HELLS: variants seen among roughly 807,000 people sequenced by gnomAD.
HELLS encodes the protein lymphoid-specific helicase.
Under a neutral mutation model 120.0 loss-of-function variants are expected in HELLS, and 32 were observed. The observed-to-expected ratio is 0.27, with a 90% CI of 0.20 to 0.36. The LOEUF (loss-of-function observed/expected upper bound fraction) is 0.36. HELLS is among the 10% of genes least tolerant of loss of function. HELLS has a pLI of 1.00. For synonymous variants in HELLS, 341 were observed against 323.4 expected (o/e 1.05, Z -0.58); for missense variants, 650 against 993.4 (o/e 0.65, Z 4.65).
chr10:94,608,565 C>T (rs1846154262), intron 9 of HELLS, among the ~76,000 whole-genome samples: 1 of 151,894 alleles, frequency 6.6e-6, no homozygotes, highest in Non-Finnish European at 1.5e-5. Context: ...TCTTTCATTT[C>T]TTTTTTCATT....
chr10:94,611,645 T>C lies in HELLS; in HGVS notation c.*1794T>C, dbSNP rs1257861988. On this transcript the variant is annotated 3_prime_UTR_variant, in exon 10 of 10. Transcript: ENST00000371327. ...CAAGTCACACTTGTGTCATTTCTTA[T>C]ACTGTAAACATGTGGTTCCAATTCT... 8.5e-5 allele frequency: 13 copies of C among 152,188 alleles called. No individual in the cohort carries two copies. In the South Asian group the frequency reaches 1.0e-3, roughly 12 times the overall value. 9.4% of individuals were successfully genotyped at this position (152,188 alleles called of 1,614,324 possible).
At chr10:94,610,378 C>G (rs554606014) in exon 10 of HELLS, 4 of 151,090 alleles carry the variant, frequency 2.6e-5, no homozygotes, top group Non-Finnish European at 1.5e-5. Flanking sequence ...ATCATGTGGC[C>G]GAGATCGCGT....
Position 94,608,679 on chromosome 10 carries a change from C to T in HELLS, c.*1+653C>T, listed in dbSNP as rs190532724. Among the ~76,000 whole-genome samples, 1,327 of 151,262 alleles carry T rather than the reference C, an allele frequency of 8.8e-3. 4 individuals are homozygous for T. Among genetic ancestry groups the T allele is most frequent in the Non-Finnish European group, 0.015 (1,013 of 67,902 alleles). On this transcript the variant is annotated intron_variant, in intron 9 of 9. Coordinates refer to the HELLS transcript ENST00000371327. ...CTTCACTGTGTCATCCAGGCAGTAG[C>T]GTGATTATAATTCACTGCAGCCTCC...
chr10:94,545,867 G>C lies in HELLS; in HGVS notation c.-55G>C, dbSNP rs893731557. ...GGCAGCGGTTGTGAGGAGTTAGCTC[G>C]CGGCATTGCAGGCTCTGAGAGGAGG... On this transcript the variant is annotated 5_prime_UTR_variant, in exon 1 of 22. Transcript: ENST00000348459. 12 of 1,542,690 alleles carry C rather than the reference G, an allele frequency of 7.8e-6. No individual in the cohort carries two copies. The highest frequency in any genetic ancestry group is 9.7e-6 in the Non-Finnish European group (11 of 1,138,756).
intron 6 of HELLS, among the ~76,000 whole-genome samples, chr10:94,564,829 A>T (rs1043093658): frequency 3.3e-5 from 5 of 152,058 alleles, no homozygotes; most frequent in Non-Finnish European, 7.4e-5. Context: ...TACTGACCTC[A>T]GGTGATCCTC....
At chr10:94,587,067 GT>G (rs1845201592) in intron 12 of HELLS, among the ~76,000 whole-genome samples, 1 of 151,920 alleles carries the variant, frequency 6.6e-6, no homozygotes, top group Non-Finnish European at 1.5e-5. Context: ...CATAATTATT[GT>G]CTGTTGCTTC....
At chr10:94,598,290 A>C (rs1210443286) in intron 21 of HELLS, among the ~76,000 whole-genome samples, 1 of 152,176 alleles carries the variant, frequency 6.6e-6, no homozygotes. Context: ...AGAAACTAGA[A>C]ACCCCAGTCT....
At chr10:94,580,162 T>TATAC (rs1396139651) in intron 10 of HELLS, among the ~76,000 whole-genome samples, 83 of 47,546 alleles carry the variant, frequency 1.7e-3, no homozygotes, top group Non-Finnish European at 2.7e-3. Context: ...TATATATATA[T>TATAC]ACACACACAC....
downstream of HELLS, among the ~76,000 whole-genome samples, chr10:94,607,096 A>T (rs1846137406): frequency 6.6e-6 from 1 of 152,184 alleles, no homozygotes; most frequent in Non-Finnish European, 1.5e-5. Context: ...CCCTGTCTAT[A>T]TGTGGATTCC....
At chr10:94,569,397 T>G (rs149853575) in intron 6 of HELLS, 4,246 of 152,010 alleles carry the variant, frequency 0.028, 91 homozygotes, top group South Asian at 0.045. Context: ...TTGGCCAGGC[T>G]GGTCTCAAAC....
chr10:94,607,464 G>A (rs141846037), intron 8 of HELLS, among the ~76,000 whole-genome samples: 395 of 152,290 alleles, frequency 2.6e-3, no homozygotes, highest in African/African-American at 9.2e-3. Flanking sequence ...TCATGATGTA[G>A]AAACAAATAC....
At chr10:94,554,006 T>C in intron 2 of HELLS, 120 bp from the exon 3 acceptor site, 1 of 858,358 alleles carries the variant, frequency 1.2e-6, no homozygotes, top group Non-Finnish European at 1.8e-6. Context: ...TTCCAGTTTT[T>C]GGTTTGAAAG....
chr10:94,606,310 T>G, downstream of HELLS, among the ~76,000 whole-genome samples: 1 of 152,162 alleles, frequency 6.6e-6, no homozygotes, highest in Non-Finnish European at 1.5e-5. Flanking sequence ...CTTGGAGGGT[T>G]TTGTCTTTTG....
At chr10:94,551,842 C>T (rs1220123967) in intron 2 of HELLS, among the ~76,000 whole-genome samples, 3 of 151,822 alleles carry the variant, frequency 2.0e-5, no homozygotes, top group Non-Finnish European at 4.4e-5. Flanking sequence ...CGGGTTCACG[C>T]CATTCTCCTG....
rs1327324780 is a variant in HELLS at position 94,596,894 on chromosome 10, G to C, written c.2283G>C (p.Leu761=). 2.0e-6 allele frequency: 3 copies of C among 1,507,828 alleles called. No homozygotes were observed. The highest frequency in any genetic ancestry group is 2.3e-5 in the South Asian group (2 of 88,220). The allele number at this position is 1,507,828 out of a possible 1,614,324, so 93.4% of individuals were successfully genotyped here. The change falls in exon 20 of 22, where the codon CTG becomes CTC. Residue 761 remains leucine (L), a synonymous_variant. Coordinates refer to ENST00000348459, the MANE Select transcript of HELLS (RefSeq NM_018063.5). ...HFKGGQSGLN[L]SKNFLDPKEL... ...AAGGTGGTCAGTCTGGATTAAATCT[G>C]TCTAAGAATTTCTTAGATCCTAAGG...
At chr10:94,586,816 C>T (rs1413159442) in intron 12 of HELLS, among the ~76,000 whole-genome samples, 2 of 152,110 alleles carry the variant, frequency 1.3e-5, no homozygotes, top group South Asian at 2.1e-4. Context: ...CTCAGCCTTC[C>T]GAGTAGCTGG....
downstream of HELLS, among the ~76,000 whole-genome samples, chr10:94,602,279 T>C (rs1038407501): frequency 1.3e-5 from 2 of 152,202 alleles, no homozygotes; most frequent in African/African-American, 4.8e-5. Flanking sequence ...AATGAAACTT[T>C]AGGGTCTTGA....
chr10:94,572,667 G>C (rs1032550196), intron 7 of HELLS, among the ~76,000 whole-genome samples: 3 of 152,138 alleles, frequency 2.0e-5, no homozygotes, highest in Admixed American at 6.5e-5. Flanking sequence ...GTGTAGACAT[G>C]TTTTCATACT....
intron 2 of HELLS, among the ~76,000 whole-genome samples, chr10:94,549,916 T>C (rs1182841713): frequency 6.6e-6 from 1 of 152,054 alleles, no homozygotes; most frequent in South Asian, 2.1e-4. Context: ...TTAGTGATTT[T>C]TATTTTTATT....
Sources: allele counts gnomAD v4.1 joint callset (sites outside exome capture counted in the v4.1 genomes callset), GRCh38; gene constraint gnomAD v4.1.1; transcripts MANE v1.5; gene names NCBI Gene and HGNC (gene_info 2026-07-23, HGNC 2026-07-21).